Variants in GHR observed in about 807,000 individuals in gnomAD.
GHR encodes the protein GH receptor.
A neutral mutation model predicts 67.1 loss-of-function variants in GHR; 35 were observed. The ratio of observed to expected loss-of-function variants is 0.52; its 90% CI spans 0.40 to 0.69. GHR has a LOEUF of 0.69. Ranked by LOEUF, GHR falls within the 30% of genes least tolerant of loss-of-function variation. The probability of loss-of-function intolerance (pLI) is 0.00; values close to 1 mark genes in which losing one functional copy is unlikely to be tolerated. For missense variants in GHR, 792 were observed against 764.6 expected, an observed-to-expected ratio of 1.04 and a Z score of -0.42; for synonymous variants, 272 against 269.1, an observed-to-expected ratio of 1.01 and a Z score of -0.10.
chr5:42,454,671 G>T (rs531872085), intron 1 of GHR, among the ~76,000 whole-genome samples: 21 of 152,242 alleles, frequency 1.4e-4, no homozygotes, highest in Admixed American at 8.5e-4. Context: ...GCTTCACCCA[G>T]CTCCCACACA....
At chr5:42,615,856 C>T (rs935234058) in intron 2 of GHR, among the ~76,000 whole-genome samples, 1 of 151,822 alleles carries the variant, frequency 6.6e-6, no homozygotes. Context: ...AGAAAATGTT[C>T]GCAGAGGGAA....
chr5:42,538,535 G>A (rs1207682561), intron 1 of GHR, among the ~76,000 whole-genome samples: 1 of 152,198 alleles, frequency 6.6e-6, no homozygotes, highest in Non-Finnish European at 1.5e-5. Flanking sequence ...GGTTTCTGAT[G>A]AGAAATCTGC....
chr5:42,677,121 G>A (rs950612255), intron 3 of GHR, among the ~76,000 whole-genome samples: 2 of 152,016 alleles, frequency 1.3e-5, no homozygotes, highest in South Asian at 2.1e-4. Context: ...ATTCCATTCC[G>A]GGTAGTTTTG....
intron 1 of GHR, chr5:42,550,078 A>T (rs1283344117): frequency 1.0e-6 from 1 of 975,442 alleles, no homozygotes. Context: ...CTGCCTGATG[A>T]TCAATGATAT....
At position 42,538,828 on chromosome 5, in the gene GHR, G is replaced by A. The variant is rs149453616; in HGVS notation, c.-11-27036G>A. On this transcript the variant is annotated intron_variant, in intron 1 of 9. Coordinates refer to ENST00000230882, the MANE Select transcript of GHR (RefSeq NM_000163.5). ...GGAACACCAATTATTCTTAGGTTTG[G>A]TCGTTTAACATAATCCCAGACTTCT... 6.2e-3 allele frequency among the ~76,000 whole-genome samples: 936 copies of A among 152,106 alleles called. 10 individuals are homozygous for A. Among genetic ancestry groups the A allele is most frequent in the African/African-American group, 0.021 (862 of 41,504 alleles).
At position 42,618,099 on chromosome 5, in the gene GHR, A is replaced by G. The variant is rs1228673882; in HGVS notation, c.71-10939A>G. Reference sequence around the variant, plus strand: ...AGAAGGCACAACAAAAAAAGGGCAAAGTTCAAAAAACTAAGCATCAGGTAG... The same window carrying G: ...AGAAGGCACAACAAAAAAAGGGCAAGGTTCAAAAAACTAAGCATCAGGTAG... On this transcript the variant is annotated intron_variant, in intron 2 of 9. Coordinates refer to ENST00000230882, the MANE Select transcript of GHR (RefSeq NM_000163.5). Among the ~76,000 whole-genome samples, 3 of 152,250 alleles carry G rather than the reference A, an allele frequency of 2.0e-5. No individual in the cohort carries two copies. In the South Asian group the frequency reaches 6.2e-4, roughly 32 times the overall value.
At chr5:42,621,580 A>G (rs1454757834) in intron 2 of GHR, among the ~76,000 whole-genome samples, 1 of 152,158 alleles carries the variant, frequency 6.6e-6, no homozygotes, top group African/African-American at 2.4e-5. Flanking sequence ...GAAGGTCTTT[A>G]TCATTGCGCA....
In GHR at chr5:42,683,227, C is replaced by T. The variant is rs141609217; in HGVS notation, c.137-5663C>T. On this transcript the variant is annotated intron_variant, in intron 3 of 9. Transcript: ENST00000230882. Reference sequence around the variant, plus strand: ...ATGTTGGTCAGGCTGGTCTCGATCTCGTGACCTCATGATCCACCTACCTCA... The same window carrying T: ...ATGTTGGTCAGGCTGGTCTCGATCTTGTGACCTCATGATCCACCTACCTCA... 7.2e-3 allele frequency among the ~76,000 whole-genome samples: 1,095 copies of T among 152,228 alleles called. 7 individuals carry two copies. Among genetic ancestry groups the T allele is most frequent in the Non-Finnish European group, 9.8e-3 (666 of 68,020 alleles).
In GHR at chr5:42,711,179, A is replaced by G. The variant is rs76254681; in HGVS notation, c.619-28A>G. 42,761 of 1,586,480 alleles carry G rather than the reference A, an allele frequency of 0.027. 831 individuals carry two copies. Among genetic ancestry groups the G allele is most frequent in the African/African-American group, 0.085 (6,289 of 74,330 alleles). ...GCATTGAGTTGTTGACTCTTTGGCCAATATGCGTTTATATTTTGTCTTGAA... is the reference window on the plus strand; with the variant it reads ...GCATTGAGTTGTTGACTCTTTGGCCGATATGCGTTTATATTTTGTCTTGAA... On this transcript the variant is annotated intron_variant, in intron 6 of 9. Transcript: ENST00000230882.
At chr5:42,468,865 A>G in intron 1 of GHR, 3 of 887,158 alleles carry the variant, frequency 3.4e-6, no homozygotes, top group East Asian at 2.9e-5. Context: ...CTGCCCAGGC[A>G]TGATGGTTGC....
intron 1 of GHR, among the ~76,000 whole-genome samples, chr5:42,473,527 C>A (rs1745098488): frequency 6.6e-6 from 1 of 152,150 alleles, no homozygotes; most frequent in Non-Finnish European, 1.5e-5. Flanking sequence ...AATAATGAGG[C>A]CTTATTCTTA....
intron 2 of GHR, among the ~76,000 whole-genome samples, chr5:42,617,222 T>G (rs1175719625): frequency 6.6e-6 from 1 of 151,760 alleles, no homozygotes; most frequent in East Asian, 1.9e-4. Context: ...GATCCCCTTT[T>G]TGTACATGCT....
At chr5:42,566,293 C>T (rs1416714725) in intron 2 of GHR, among the ~76,000 whole-genome samples, 2 of 152,208 alleles carry the variant, frequency 1.3e-5, no homozygotes, top group Non-Finnish European at 2.9e-5. Context: ...ACTGTTCACT[C>T]AGCTCATCTG....
chr5:42,705,512 G>T (rs1758133902), intron 6 of GHR, among the ~76,000 whole-genome samples: 1 of 152,022 alleles, frequency 6.6e-6, no homozygotes, highest in African/African-American at 2.4e-5. Flanking sequence ...CAGGTAATAA[G>T]CATAGTACCC....
intron 1 of GHR, among the ~76,000 whole-genome samples, chr5:42,518,112 C>A (rs1218536780): frequency 4.0e-5 from 6 of 149,598 alleles, no homozygotes; most frequent in Non-Finnish European, 8.9e-5. Context: ...CTTAAGTTAG[C>A]CTTTTGAATT....
Position 42,552,577 on chromosome 5 carries a change from A to C in GHR, c.-11-13287A>C, listed in dbSNP as rs142706894. The stretch of plus-strand genomic sequence containing the variant: ...TATCAGTTGATCCAGAAGTGATTAG[A>C]CTCTAGGGGCCTGATTTATCTTAGC... On this transcript the variant is annotated intron_variant, in intron 1 of 9. Transcript: ENST00000230882. Among the ~76,000 whole-genome samples the C allele has an allele frequency of 2.2e-3, 330 of 152,226 alleles. 1 individual carries two copies. The highest frequency in any genetic ancestry group is 7.6e-3 in the African/African-American group (314 of 41,546).
At chr5:42,538,527 T>A (rs1187324411) in intron 1 of GHR, among the ~76,000 whole-genome samples, 2 of 152,198 alleles carry the variant, frequency 1.3e-5, no homozygotes, top group Non-Finnish European at 2.9e-5. Context: ...GCTTGCAGGG[T>A]TTCTGATGAG....
chr5:42,423,797 A>AGCGGCGGCGGCAGCG lies in GHR; in HGVS notation c.-168_-167insGGCGGCGGCAGCGGC, dbSNP rs1561294798. ...GAGCGGCGGCGGCGGCGGCAGCGGC[A>AGCGGCGGCGGCAGCG]GCAGCAGCTGCTACAGTGGCGGTGG... On this transcript the variant is annotated 5_prime_UTR_variant, in exon 1 of 10. Transcript: ENST00000230882. 1.8e-5 allele frequency: 3 copies of AGCGGCGGCGGCAGCG among 164,152 alleles called. No homozygotes were observed. Among genetic ancestry groups the AGCGGCGGCGGCAGCG allele is most frequent in the Non-Finnish European group, 3.9e-5 (3 of 77,650 alleles). The allele number at this position is 164,152 out of a possible 1,614,324, so 10.2% of individuals were successfully genotyped here.
rs536404364 is a variant in GHR at position 42,570,749 on chromosome 5, A to G, written c.70+4805A>G. The stretch of plus-strand genomic sequence containing the variant: ...GCTCACAGTCTTTAGAAGAGAAAAC[A>G]GAGAAATAAACATAATTTAATTGTG... On this transcript the variant is annotated intron_variant, in intron 2 of 9. Coordinates refer to ENST00000230882, the MANE Select transcript of GHR (RefSeq NM_000163.5). 2.5e-4 allele frequency among the ~76,000 whole-genome samples: 38 copies of G among 152,324 alleles called. No homozygotes were observed. In the South Asian group the frequency reaches 4.4e-3, roughly 17 times the overall value.
Sources: allele counts gnomAD v4.1 joint callset (sites outside exome capture counted in the v4.1 genomes callset), GRCh38; gene constraint gnomAD v4.1.1; transcripts MANE v1.5; gene names NCBI Gene and HGNC (gene_info 2026-07-23, HGNC 2026-07-21).